Variants in COL19A1 observed in about 807,000 individuals in gnomAD.
COL19A1 encodes the protein collagen type XIX alpha 1 chain, also known as collagen alpha-1(XIX) chain.
COL19A1 carries 159 observed loss-of-function variants against 190.2 expected under a neutral mutation model. The ratio of observed to expected loss-of-function variants is 0.84; its 90% confidence interval spans 0.73 to 0.95. The LOEUF is 0.95. Ranked by LOEUF, COL19A1 falls within the 40% of genes least tolerant of loss-of-function variation. The probability of loss-of-function intolerance (pLI) is 0.00; values close to 1 mark genes in which losing one functional copy is unlikely to be tolerated. For synonymous variants in COL19A1, 509 were observed against 458.9 expected, an observed-to-expected ratio of 1.11 and a Z score of -1.39; for missense variants, 1,418 against 1,431.9, an observed-to-expected ratio of 0.99 and a Z score of 0.16.
At chr6:69,887,179 A>T (rs573024588) in intron 2 of COL19A1, among the ~76,000 whole-genome samples, 2 of 152,218 alleles carry the variant, frequency 1.3e-5, no homozygotes, top group Non-Finnish European at 2.9e-5. Context: ...CAATAAGCCA[A>T]CCAAAGTGTC....
rs577982019 is a variant in COL19A1 at position 70,010,450 on chromosome 6, G to A, written c.1027-13177G>A. The stretch of plus-strand genomic sequence containing the variant: ...TTTCTGCATTTCCATCTGAGGTACC[G>A]GGTTCATCTCACTAGGGAGTGCCAG... On this transcript the variant is annotated intron_variant, in intron 11 of 50. Coordinates refer to ENST00000620364, the MANE Select transcript of COL19A1 (RefSeq NM_001858.6). Among the ~76,000 whole-genome samples, 5 of 145,758 alleles carry A rather than the reference G, an allele frequency of 3.4e-5. 1 individual carries two copies. Among genetic ancestry groups the A allele is most frequent in the East Asian group, 4.4e-4 (2 of 4,544 alleles).
chr6:70,056,893 C>T (rs1265784532), intron 14 of COL19A1, among the ~76,000 whole-genome samples: 4 of 152,066 alleles, frequency 2.6e-5, no homozygotes, highest in Non-Finnish European at 1.5e-5. Context: ...CAGTTATCAG[C>T]ATTAAATACC....
At chr6:69,895,593 A>G (rs183473672) in intron 2 of COL19A1, among the ~76,000 whole-genome samples, 177 of 151,724 alleles carry the variant, frequency 1.2e-3, no homozygotes, top group Non-Finnish European at 1.9e-3. Context: ...TTCAAATCTC[A>G]TGTTCCACAC....
intron 14 of COL19A1, among the ~76,000 whole-genome samples, chr6:70,053,496 A>G (rs1780325837): frequency 6.6e-6 from 1 of 152,236 alleles, no homozygotes; most frequent in Admixed American, 6.5e-5. Flanking sequence ...GTAACACATC[A>G]TAACTAATCT....
chr6:70,075,649 A>G (rs1415648899), intron 15 of COL19A1, among the ~76,000 whole-genome samples: 2 of 152,196 alleles, frequency 1.3e-5, no homozygotes, highest in African/African-American at 4.8e-5. Context: ...CCCTTAGATA[A>G]GGTTAAACAG....
intron 27 of COL19A1, 92 bp from the exon 28 acceptor site, chr6:70,149,612 A>T: frequency 1.3e-6 from 2 of 1,514,224 alleles, no homozygotes; most frequent in Non-Finnish European, 1.8e-6. Context: ...TGTTCCTCTA[A>T]GTAAACTACA....
At chr6:69,942,750 G>GTT (rs1773554557) in intron 9 of COL19A1, among the ~76,000 whole-genome samples, 1 of 151,320 alleles carries the variant, frequency 6.6e-6, no homozygotes, top group South Asian at 2.1e-4. Context: ...ATGTGTGTGT[G>GTT]TGTGTGTGTG....
chr6:70,146,996 C>T (rs943749107), intron 27 of COL19A1, 107 bp downstream of exon 27: 1 of 907,114 alleles, frequency 1.1e-6, no homozygotes, highest in Non-Finnish European at 1.6e-6. Context: ...GACGGAAATA[C>T]AAATAAACAC....
intron 5 of COL19A1, 70 bp downstream of exon 5, chr6:69,928,102 GGT>G: frequency 6.4e-7 from 1 of 1,564,534 alleles, no homozygotes; most frequent in Non-Finnish European, 8.7e-7. Context: ...TATTTGAACT[GGT>G]GCACAAATTT....
chr6:70,193,458 C>T (rs1195728380), intron 48 of COL19A1, among the ~76,000 whole-genome samples: 1 of 152,166 alleles, frequency 6.6e-6, no homozygotes, highest in Non-Finnish European at 1.5e-5. Context: ...TGCCTGGAAG[C>T]TGACAGGTGC....
chr6:70,153,996 T>A (rs554881681), intron 31 of COL19A1, among the ~76,000 whole-genome samples: 32 of 152,080 alleles, frequency 2.1e-4, no homozygotes, highest in Non-Finnish European at 4.3e-4. Flanking sequence ...CTGGGGTACA[T>A]GTGCAGAACG....
At chr6:70,199,852 A>G (rs1767442062) in intron 49 of COL19A1, 116 bp downstream of exon 49, 7 of 880,370 alleles carry the variant, frequency 8.0e-6, no homozygotes, top group South Asian at 6.2e-5. Context: ...TACATTACAT[A>G]TATAAATATA....
At chr6:69,923,853 T>C (rs143141983) in intron 4 of COL19A1, among the ~76,000 whole-genome samples, 1 of 152,298 alleles carries the variant, frequency 6.6e-6, no homozygotes, top group African/African-American at 2.4e-5. Context: ...GTCACACACA[T>C]AGGCCTTCAG....
chr6:70,155,653 A>G (rs568348313), intron 31 of COL19A1, among the ~76,000 whole-genome samples: 23 of 152,154 alleles, frequency 1.5e-4, no homozygotes, highest in Non-Finnish European at 2.8e-4. Context: ...TAGTTGGAGA[A>G]CTAATTTTGC....
chr6:69,942,474 A>G (rs1773532767), intron 9 of COL19A1, among the ~76,000 whole-genome samples: 2 of 152,222 alleles, frequency 1.3e-5, no homozygotes, highest in Non-Finnish European at 1.5e-5. Context: ...GAGCTTATTT[A>G]TTCTTTATAG....
chr6:70,112,416 T>C (rs1480885212), intron 16 of COL19A1, among the ~76,000 whole-genome samples: 1 of 152,140 alleles, frequency 6.6e-6, no homozygotes, highest in African/African-American at 2.4e-5. Context: ...ATATTTTTCC[T>C]TTTTCAGGAC....
rs370641006 is a variant in COL19A1 at position 70,133,329 on chromosome 6, C to T, written c.1383+3106C>T. 5.3e-5 allele frequency among the ~76,000 whole-genome samples: 8 copies of T among 152,340 alleles called. No homozygotes were observed. In the South Asian group the frequency reaches 8.3e-4, roughly 16 times the overall value. The stretch of plus-strand genomic sequence containing the variant: ...AGCACCAGGACAAGCACAAATAGCA[C>T]TGGAATATACACACCAGTCACCCCT... On this transcript the variant is annotated intron_variant, in intron 18 of 50. Coordinates refer to ENST00000620364, the MANE Select transcript of COL19A1 (RefSeq NM_001858.6).
intron 9 of COL19A1, among the ~76,000 whole-genome samples, chr6:69,947,733 A>G (rs1773902922): frequency 6.6e-6 from 1 of 151,848 alleles, no homozygotes; most frequent in Non-Finnish European, 1.5e-5. Context: ...AGAGGTTTTC[A>G]GACAGATATT....
intron 11 of COL19A1, among the ~76,000 whole-genome samples, chr6:69,972,073 C>T (rs1032724638): frequency 6.6e-6 from 1 of 152,170 alleles, no homozygotes; most frequent in African/African-American, 2.4e-5. Context: ...CCACACTGAC[C>T]TTCTTTCAGT....
Sources: allele counts gnomAD v4.1 joint callset (sites outside exome capture counted in the v4.1 genomes callset), GRCh38; gene constraint gnomAD v4.1.1; transcripts MANE v1.5; gene names NCBI Gene and HGNC (gene_info 2026-07-23, HGNC 2026-07-21).